The following SNX24 variants were observed in gnomAD, a reference collection of about 807,000 sequenced individuals.
SNX24 encodes the protein sorting nexin-24.
In SNX24, 22 loss-of-function variants were observed where a neutral mutation model predicts 28.7. The ratio of observed to expected loss-of-function variants is 0.77; its 90% confidence interval spans 0.55 to 1.10. SNX24 has a LOEUF of 1.10. Among genes scored for constraint, SNX24 ranks in the 50% least tolerant of loss-of-function variants. The pLI, the probability that SNX24 is intolerant of heterozygous loss-of-function variation, is 0.00. For missense variants in SNX24, 221 were observed against 201.1 expected (o/e 1.10, Z -0.60); for synonymous variants, 69 against 71.5 (o/e 0.96, Z 0.18).
downstream of SNX24, among the ~76,000 whole-genome samples, chr5:123,014,117 T>G (rs955555838): frequency 1.3e-5 from 2 of 152,138 alleles, no homozygotes; most frequent in Non-Finnish European, 2.9e-5. Context: ...GGATACCAGT[T>G]AATAAAGCTT....
rs1762504877 is a variant in SNX24, at chr5:123,008,975, C to G, written c.*1226C>G. Reference sequence around the variant, plus strand: ...TCTGTGGGAGCAAGGTATTTAAAATCAAAACTAATAACTACATCATGGTTT... The same window carrying G: ...TCTGTGGGAGCAAGGTATTTAAAATGAAAACTAATAACTACATCATGGTTT... On this transcript the variant is annotated 3_prime_UTR_variant, in exon 7 of 7. Coordinates refer to ENST00000261369, the MANE Select transcript of SNX24 (RefSeq NM_014035.4). 1.0e-6 allele frequency: 1 copy of G among 985,654 alleles called. No individual in the cohort carries two copies. The highest frequency in any genetic ancestry group is 1.2e-6 in the Non-Finnish European group (1 of 829,788). 61.1% of individuals were successfully genotyped at this position (985,654 alleles called of 1,614,324 possible).
intron 6 of SNX24, among the ~76,000 whole-genome samples, chr5:123,007,305 G>A (rs567614395): frequency 6.6e-5 from 10 of 152,354 alleles, no homozygotes; most frequent in Non-Finnish European, 1.5e-4. Flanking sequence ...ATTCCCAGTA[G>A]AAATCTTGGA....
chr5:122,886,183 TGGA>T (rs909806648), intron 1 of SNX24, among the ~76,000 whole-genome samples: 6 of 152,192 alleles, frequency 3.9e-5, no homozygotes, highest in Non-Finnish European at 8.8e-5. Context: ...TGAATTAAGG[TGGA>T]AGACTAAAGA....
At chr5:123,005,615 C>T (rs1581858709) in intron 6 of SNX24, among the ~76,000 whole-genome samples, 3 of 152,328 alleles carry the variant, frequency 2.0e-5, no homozygotes, top group Admixed American at 1.3e-4. Context: ...TGTAATTTCA[C>T]TGACCTTCAA....
chr5:123,025,689 T>C, intron 5 of SNX24: 1 of 1,292,066 alleles, frequency 7.7e-7, no homozygotes, highest in Non-Finnish European at 1.1e-6. Flanking sequence ...ATATAATGGA[T>C]CTCTAACAAG....
chr5:122,876,444 A>T (rs1279952856), intron 1 of SNX24, among the ~76,000 whole-genome samples: 1 of 152,226 alleles, frequency 6.6e-6, no homozygotes, highest in African/African-American at 2.4e-5. Context: ...TTCATTAAAA[A>T]TAGCTGGAGA....
intron 2 of SNX24, among the ~76,000 whole-genome samples, chr5:122,945,684 T>G (rs1759649827): frequency 6.6e-6 from 1 of 152,230 alleles, no homozygotes. Context: ...AAAGACTTCT[T>G]ATCAGCAAAG....
intron 1 of SNX24, among the ~76,000 whole-genome samples, chr5:122,914,553 G>T (rs1301537977): frequency 1.3e-5 from 2 of 150,826 alleles, no homozygotes; most frequent in Non-Finnish European, 3.0e-5. Flanking sequence ...GTAAGCTATT[G>T]ATTATTGCCA....
chr5:122,915,759 G>C (rs1191965289), intron 1 of SNX24, among the ~76,000 whole-genome samples: 5 of 152,202 alleles, frequency 3.3e-5, no homozygotes, highest in Non-Finnish European at 7.3e-5. Flanking sequence ...CCTCAGTGTG[G>C]TCTGCCCTCT....
chr5:122,893,282 C>G (rs1440297901), intron 1 of SNX24, among the ~76,000 whole-genome samples: 2 of 151,020 alleles, frequency 1.3e-5, no homozygotes, highest in Non-Finnish European at 2.9e-5. Flanking sequence ...TTGACATGAC[C>G]CCATTTTTTT....
intron 2 of SNX24, among the ~76,000 whole-genome samples, chr5:122,944,044 T>C (rs559328542): frequency 3.3e-5 from 5 of 152,352 alleles, no homozygotes; most frequent in African/African-American, 1.2e-4. Context: ...GGAATGTCTT[T>C]GATTGCATGT....
At chr5:122,887,610 G>T (rs1756774263) in intron 1 of SNX24, among the ~76,000 whole-genome samples, 2 of 152,060 alleles carry the variant, frequency 1.3e-5, no homozygotes, top group Non-Finnish European at 2.9e-5. Flanking sequence ...TATGTTCTGG[G>T]TAATTTTATA....
At chr5:122,990,979 C>T (rs987064187) in intron 3 of SNX24, among the ~76,000 whole-genome samples, 4 of 152,088 alleles carry the variant, frequency 2.6e-5, no homozygotes, top group African/African-American at 9.7e-5. Flanking sequence ...TTACTGCAGC[C>T]TCTGCCTCCT....
chr5:122,877,399 A>G (rs561304422), intron 1 of SNX24, among the ~76,000 whole-genome samples: 8 of 152,286 alleles, frequency 5.3e-5, no homozygotes, highest in Admixed American at 3.9e-4. Flanking sequence ...GTTTCCAAAG[A>G]GGTTAATTGA....
intron 3 of SNX24, among the ~76,000 whole-genome samples, chr5:122,989,921 G>C (rs1397666480): frequency 1.3e-5 from 2 of 152,164 alleles, no homozygotes; most frequent in African/African-American, 4.8e-5. Context: ...TACCAGCCAT[G>C]TGTAGACAGC....
rs576357676 is a variant in SNX24 at position 122,962,625 on chromosome 5, C to G, written c.249+16466C>G. Among the ~76,000 whole-genome samples the G allele has an allele frequency of 9.8e-5, 15 of 152,292 alleles. 1 individual carries two copies. In the East Asian group the frequency reaches 2.7e-3, roughly 27 times the overall value. ...AGCCTACCAAGCTATGGGTAATGAT[C>G]CTTCAGAGGTGGCATAGGCCAGTGG... On this transcript the variant is annotated intron_variant, in intron 3 of 6. Coordinates refer to ENST00000261369, the MANE Select transcript of SNX24 (RefSeq NM_014035.4).
intron 3 of SNX24, among the ~76,000 whole-genome samples, chr5:122,973,702 CT>C (rs1300182090): frequency 6.6e-6 from 1 of 152,232 alleles, no homozygotes; most frequent in Non-Finnish European, 1.5e-5. Flanking sequence ...AAAAAGCATC[CT>C]GCTCGTGATA....
downstream of SNX24, among the ~76,000 whole-genome samples, chr5:123,011,846 G>T (rs1198452304): frequency 6.6e-6 from 1 of 152,176 alleles, no homozygotes; most frequent in Non-Finnish European, 1.5e-5. Context: ...AAAGAAGAAA[G>T]CAGGGACTCA....
At chr5:123,012,450 C>T (rs1334016190), downstream of SNX24, among the ~76,000 whole-genome samples, 1 of 152,028 alleles carries the variant, frequency 6.6e-6, no homozygotes, top group African/African-American at 2.4e-5. Flanking sequence ...AAGTATCTAG[C>T]GTAGTCAAAT....
Sources: gnomAD v4.1 joint callset for allele counts (sites outside exome capture counted in the v4.1 genomes callset) on GRCh38, gnomAD v4.1.1 for gene constraint, MANE v1.5 for transcripts, NCBI Gene and HGNC (gene_info 2026-07-23, HGNC 2026-07-21) for gene names.